The following KIF16B variants were observed in gnomAD, a reference collection of about 807,000 sequenced individuals.
The protein encoded by KIF16B is kinesin-like protein KIF16B.
KIF16B carries 98 observed loss-of-function variants against 156.3 expected under a neutral mutation model. The observed-to-expected ratio is 0.63, with a 90% confidence interval of 0.53 to 0.74. The LOEUF is 0.74. KIF16B is among the 30% of genes least tolerant of loss of function. The pLI, the probability that KIF16B is intolerant of heterozygous loss-of-function variation, is 0.00. For missense variants in KIF16B, 1,421 were observed against 1,606.5 expected (o/e 0.88, Z 1.97); for synonymous variants, 564 against 583.7 (o/e 0.97, Z 0.49).
At chr20:16,454,510 C>A (rs187139549) in intron 12 of KIF16B, among the ~76,000 whole-genome samples, 4 of 151,722 alleles carry the variant, frequency 2.6e-5, no homozygotes, top group Admixed American at 2.6e-4. Context: ...TTATTGTTGT[C>A]CCCGTAGATA....
chr20:16,304,336 G>A (rs1457703174), intron 25 of KIF16B, among the ~76,000 whole-genome samples: 1 of 152,132 alleles, frequency 6.6e-6, no homozygotes, highest in Non-Finnish European at 1.5e-5. Context: ...TAGGATTTCT[G>A]TTGTATAAAA....
At chr20:16,552,172 T>C (rs1221462420) in intron 1 of KIF16B, among the ~76,000 whole-genome samples, 1 of 152,204 alleles carries the variant, frequency 6.6e-6, no homozygotes, top group Non-Finnish European at 1.5e-5. Context: ...TTAGGTTTCA[T>C]GGCTCTGTCT....
chr20:16,484,049 C>T (rs553569162), intron 12 of KIF16B, among the ~76,000 whole-genome samples: 38 of 152,232 alleles, frequency 2.5e-4, no homozygotes, highest in African/African-American at 8.7e-4. Context: ...GCAATAAATA[C>T]GCAGTCAGAG....
intron 25 of KIF16B, among the ~76,000 whole-genome samples, chr20:16,286,509 T>TGATCCTTCAACAAAGAAG (rs141595516): frequency 0.4 from 61,252 of 151,800 alleles, 12,380 homozygotes; most frequent in Non-Finnish European, 0.42. Context: ...CTAGATCCTT[T>TGATCCTTCAACAAAGAAG]GAACTACAGC....
rs529441545 is a variant in KIF16B, at chr20:16,335,995, T to A, written c.3642A>T (p.Thr1214=). The A allele has an allele frequency of 1.9e-6, 3 of 1,607,098 alleles. No homozygotes were observed. The East Asian group carries it at 6.7e-5, about 36-fold the overall frequency. ...FEVKITVLDE[T]WTVFRRYSRF... is the part of the protein sequence containing the mutation. ...GACTGTAACGCCTGAATACAGTCCA[T>A]GTCTCATCTAGGACAGTAATCTATT... Residue 1214 remains threonine (T), a synonymous_variant, in exon 24 of 26, where the codon ACA becomes ACT. Coordinates refer to ENST00000354981, the MANE Select transcript of KIF16B (RefSeq NM_024704.5).
Position 16,429,907 on chromosome 20 carries a change from C to T in KIF16B, c.1378G>A (p.Asp460Asn), listed in dbSNP as rs183190778. The change falls in exon 13 of 26, where the codon GAT becomes AAT. Residue 460 changes from aspartate (D) to asparagine (N), a missense_variant. Physicochemically the swap from Asp to Asn is conservative, Grantham distance 23. Transcript: ENST00000354981. ...DSELPHLIGIDDDLLSTGIIL... is the reference protein window; with the variant it reads ...DSELPHLIGINDDLLSTGIIL... ...ATTCCAGTACTCAAAAGGTCATCAT[C>T]GATGCCAATCAAATGAGGCAGTTCA... 4.0e-5 allele frequency: 64 copies of T among 1,612,254 alleles called. No homozygotes were observed. Among genetic ancestry groups the T allele is most frequent in the East Asian group, 2.5e-4 (11 of 44,774 alleles).
intron 23 of KIF16B, among the ~76,000 whole-genome samples, chr20:16,352,551 G>A (rs781411524): frequency 7.9e-5 from 12 of 152,106 alleles, no homozygotes; most frequent in South Asian, 4.1e-4. Flanking sequence ...GAAATCACAC[G>A]CCCTGTGTCG....
At chr20:16,306,333 T>G (rs553473662) in intron 25 of KIF16B, among the ~76,000 whole-genome samples, 39 of 152,284 alleles carry the variant, frequency 2.6e-4, no homozygotes, top group African/African-American at 7.2e-4. Flanking sequence ...TGGGCAGTCT[T>G]GCAGTCAATG....
At chr20:16,468,444 T>C (rs1049155011) in intron 12 of KIF16B, among the ~76,000 whole-genome samples, 2 of 151,502 alleles carry the variant, frequency 1.3e-5, no homozygotes, top group African/African-American at 4.9e-5. Flanking sequence ...GGCATGGTGG[T>C]GGGTGCCTGT....
chr20:16,401,480 G>T (rs935405484), intron 17 of KIF16B, among the ~76,000 whole-genome samples: 1 of 152,144 alleles, frequency 6.6e-6, no homozygotes, highest in African/African-American at 2.4e-5. Context: ...CACGCCCAAA[G>T]AAATTTTAAA....
intron 12 of KIF16B, among the ~76,000 whole-genome samples, chr20:16,487,959 AC>A (rs1051972048): frequency 1.3e-5 from 2 of 152,200 alleles, no homozygotes; most frequent in Non-Finnish European, 2.9e-5. Flanking sequence ...TCTAAATAAA[AC>A]AACTTCAATC....
intron 24 of KIF16B, among the ~76,000 whole-genome samples, chr20:16,315,098 G>T (rs535017927): frequency 3.3e-5 from 5 of 152,054 alleles, no homozygotes; most frequent in Admixed American, 6.6e-5. Flanking sequence ...ATCAGAAGTC[G>T]TGCAATAAAA....
intron 1 of KIF16B, among the ~76,000 whole-genome samples, chr20:16,561,885 A>T (rs1475916455): frequency 6.6e-6 from 1 of 152,248 alleles, no homozygotes; most frequent in Non-Finnish European, 1.5e-5. Flanking sequence ...ACAAGGAAAG[A>T]CTTACAAACT....
At chr20:16,364,096 T>G (rs1211579760) in intron 22 of KIF16B, among the ~76,000 whole-genome samples, 2 of 152,204 alleles carry the variant, frequency 1.3e-5, no homozygotes, top group African/African-American at 4.8e-5. Context: ...CAAAAATTAC[T>G]GTAATTACTA....
chr20:16,305,262 T>C (rs1245673774), intron 25 of KIF16B, among the ~76,000 whole-genome samples: 3 of 151,888 alleles, frequency 2.0e-5, no homozygotes, highest in Non-Finnish European at 4.4e-5. Flanking sequence ...TCTGTGACCA[T>C]GAAGGATCAA....
At position 16,520,111 on chromosome 20, in the gene KIF16B, G is replaced by A. The variant is rs1021745053; in HGVS notation, c.232-4447C>T. On this transcript the variant is annotated intron_variant, in intron 3 of 25. Coordinates refer to ENST00000354981, the MANE Select transcript of KIF16B (RefSeq NM_024704.5). ...CTGGGTGGCTGTTCAGGCAGACATC[G>A]AGCTAGCTGCAGGAGTTTTTTTTTT... Among the ~76,000 whole-genome samples, 5 of 151,074 alleles carry A rather than the reference G, an allele frequency of 3.3e-5. No individual in the cohort carries two copies. The Admixed American group carries it at 3.3e-4, about 10-fold the overall frequency.
intron 11 of KIF16B, among the ~76,000 whole-genome samples, chr20:16,496,098 G>T (rs918968411): frequency 6.6e-6 from 1 of 152,142 alleles, no homozygotes. Flanking sequence ...ACAGACTCCT[G>T]ATAGCAACAA....
At chr20:16,427,912 A>G (rs2066398569) in intron 14 of KIF16B, among the ~76,000 whole-genome samples, 1 of 152,170 alleles carries the variant, frequency 6.6e-6, no homozygotes, top group Admixed American at 6.5e-5. Context: ...ATAAGCCTAC[A>G]TGATTTTAGG....
At chr20:16,459,940 C>T (rs2067302649) in intron 12 of KIF16B, among the ~76,000 whole-genome samples, 1 of 152,108 alleles carries the variant, frequency 6.6e-6, no homozygotes. Context: ...GCATGTATGT[C>T]TCATGTCTCT....
Sources: allele counts gnomAD v4.1 joint callset (sites outside exome capture counted in the v4.1 genomes callset), GRCh38; gene constraint gnomAD v4.1.1; transcripts MANE v1.5; gene names NCBI Gene and HGNC (gene_info 2026-07-23, HGNC 2026-07-21).